MAP2K1: variants seen among roughly 807,000 people sequenced by gnomAD.
The protein encoded by MAP2K1 is mitogen-activated protein kinase kinase 1.
MAP2K1 carries 16 observed loss-of-function variants against 46.3 expected under a neutral mutation model. The ratio of observed to expected loss-of-function variants is 0.35; its 90% CI spans 0.23 to 0.52. The LOEUF is 0.52. MAP2K1 is among the 20% of genes least tolerant of loss of function. The probability of loss-of-function intolerance (pLI) is 0.94; values close to 1 mark genes in which losing one functional copy is unlikely to be tolerated. For missense variants in MAP2K1, 263 were observed against 497.1 expected (o/e 0.53, Z 4.48); for synonymous variants, 183 against 185.6 (o/e 0.99, Z 0.11).
At chr15:66,455,925 G>A (rs546180487) in intron 5 of MAP2K1, among the ~76,000 whole-genome samples, 1 of 152,312 alleles carries the variant, frequency 6.6e-6, no homozygotes, top group African/African-American at 2.4e-5. Flanking sequence ...GGTTTAGCCT[G>A]ATGTATGTGA....
Position 66,490,319 on chromosome 15 carries a change from G to C in MAP2K1, c.1069-183G>C, listed in dbSNP as rs760680048. ...ACTTGCCCAAGGCCTCACAGCTGCT[G>C]TGACTGGTGGAGCAGGTCTTTGGGC... On this transcript the variant is annotated intron_variant, in intron 10 of 10. Transcript: ENST00000307102. The C allele has an allele frequency of 3.0e-5, 21 of 703,352 alleles. No individual in the cohort carries two copies. The Admixed American group carries it at 3.0e-4, about 10-fold the overall frequency. 43.6% of individuals were successfully genotyped at this position (703,352 alleles called of 1,614,324 possible).
Position 66,484,902 on chromosome 15 carries a change from A to C in MAP2K1, c.694-88A>C, listed in dbSNP as rs115311935. On this transcript the variant is annotated intron_variant, in intron 6 of 10. Transcript: ENST00000307102. ...GAGCTCTTGAAACAGGATATGAACT[A>C]TTGAGAAGGGACAGAAGAGAAAATG... The C allele has an allele frequency of 3.9e-4, 432 of 1,100,356 alleles. 3 individuals carry two copies. In the African/African-American group the frequency reaches 6.1e-3, roughly 16 times the overall value. 68.2% of individuals were successfully genotyped at this position (1,100,356 alleles called of 1,614,324 possible).
intron 5 of MAP2K1, among the ~76,000 whole-genome samples, chr15:66,449,293 A>G (rs1280497732): frequency 6.6e-6 from 1 of 152,250 alleles, no homozygotes; most frequent in African/African-American, 2.4e-5. Context: ...CAACTCAGGA[A>G]TAAAACTATT....
At chr15:66,473,605 C>T (rs1892690576) in intron 5 of MAP2K1, among the ~76,000 whole-genome samples, 1 of 152,158 alleles carries the variant, frequency 6.6e-6, no homozygotes, top group African/African-American at 2.4e-5. Flanking sequence ...TATTATACCT[C>T]TCTTCTCTCT....
chr15:66,490,234 T>C, intron 10 of MAP2K1: 1 of 602,098 alleles, frequency 1.7e-6, no homozygotes, highest in South Asian at 1.7e-5. Context: ...CTAACAAGCC[T>C]GTGAGGCATT....
intron 1 of MAP2K1, among the ~76,000 whole-genome samples, chr15:66,408,855 C>T (rs1330302983): frequency 6.6e-6 from 1 of 152,146 alleles, no homozygotes; most frequent in Admixed American, 6.5e-5. Context: ...TCCTCCACCC[C>T]ATCTGGGCAG....
chr15:66,472,522 C>A (rs891606961), intron 5 of MAP2K1, among the ~76,000 whole-genome samples: 1 of 152,160 alleles, frequency 6.6e-6, no homozygotes, highest in South Asian at 2.1e-4. Context: ...ATGAGATCAC[C>A]GTGGCCAGGT....
chr15:66,423,899 G>A (rs2093450280), intron 1 of MAP2K1, among the ~76,000 whole-genome samples: 1 of 151,684 alleles, frequency 6.6e-6, no homozygotes, highest in Admixed American at 6.6e-5. Flanking sequence ...GAGCCACTGT[G>A]CCCCACCCAT....
At chr15:66,420,815 G>A (rs796793345) in intron 1 of MAP2K1, among the ~76,000 whole-genome samples, 86 of 61,870 alleles carry the variant, frequency 1.4e-3, no homozygotes, top group African/African-American at 6.0e-3. Context: ...GTATATATAT[G>A]TGTATATATA....
chr15:66,413,069 T>C (rs763512199), intron 1 of MAP2K1, among the ~76,000 whole-genome samples: 17 of 152,050 alleles, frequency 1.1e-4, no homozygotes, highest in Non-Finnish European at 1.8e-4. Context: ...CTAATTTTTG[T>C]ATTTTTAGTA....
intron 1 of MAP2K1, among the ~76,000 whole-genome samples, chr15:66,402,651 CTGT>C (rs1362101974): frequency 1.2e-4 from 18 of 152,128 alleles, no homozygotes; most frequent in African/African-American, 4.1e-4. Context: ...CATTTTGATG[CTGT>C]TGTTATTGAA....
chr15:66,425,585 T>G lies in MAP2K1; in HGVS notation c.81-9442T>G, dbSNP rs559714796. On this transcript the variant is annotated intron_variant, in intron 1 of 10. Coordinates refer to ENST00000307102, the MANE Select transcript of MAP2K1 (RefSeq NM_002755.4). ...CTTCTGGGCCAGGACAGAGCTGGTC[T>G]TTTTTTTAGTGGGGGATGGCGGGCA... Among the ~76,000 whole-genome samples, 449 of 152,014 alleles carry G rather than the reference T, an allele frequency of 3.0e-3. 1 individual carries two copies. The highest frequency in any genetic ancestry group is 0.01 in the African/African-American group (418 of 41,458).
At chr15:66,447,415 C>T (rs546451434) in intron 5 of MAP2K1, among the ~76,000 whole-genome samples, 38 of 152,076 alleles carry the variant, frequency 2.5e-4, no homozygotes, top group Admixed American at 1.5e-3. Flanking sequence ...ATTAGCTGGG[C>T]GTAGTGGCTC....
intron 8 of MAP2K1, among the ~76,000 whole-genome samples, chr15:66,488,395 T>C: frequency 6.6e-6 from 1 of 152,208 alleles, no homozygotes; most frequent in East Asian, 1.9e-4. Context: ...TGTCTCATTT[T>C]TAGTCCCAAA....
At position 66,435,197 on chromosome 15, in the gene MAP2K1, A is replaced by G. The variant is rs774932586; in HGVS notation, c.251A>G (p.Lys84Arg). ...LGAGNGGVVF[K>R]VSHKPSGLVM... ...GCTGGCAATGGCGGTGTGGTGTTCAAGGTCTCCCACAAGCCTTCTGGCCTG... is the reference window on the plus strand; with the variant it reads ...GCTGGCAATGGCGGTGTGGTGTTCAGGGTCTCCCACAAGCCTTCTGGCCTG... The change falls in exon 2 of 11, where the codon AAG (lysine) becomes AGG (arginine). Residue 84 changes from lysine to arginine, a missense_variant. By Grantham distance (26) the Lys-to-Arg change is conservative. Coordinates refer to ENST00000307102, the MANE Select transcript of MAP2K1 (RefSeq NM_002755.4). 6.2e-6 allele frequency: 10 copies of G among 1,614,016 alleles called. No individual in the cohort carries two copies. Among genetic ancestry groups the G allele is most frequent in the Middle Eastern group, 1.6e-4 (1 of 6,084 alleles).
chr15:66,388,928 C>G, intron 1 of MAP2K1, among the ~76,000 whole-genome samples: 2 of 87,618 alleles, frequency 2.3e-5, no homozygotes, highest in East Asian at 5.9e-4. Context: ...TTTTTTGAGT[C>G]GGAGTTTCAC....
intron 6 of MAP2K1, among the ~76,000 whole-genome samples, chr15:66,483,555 T>C (rs575144471): frequency 9.7e-4 from 148 of 152,336 alleles, no homozygotes; most frequent in Middle Eastern, 3.4e-3. Context: ...GAGAAGTTAA[T>C]GTCTACGTGA....
chr15:66,446,653 C>G (rs182182362), intron 5 of MAP2K1: 501 of 391,882 alleles, frequency 1.3e-3, no homozygotes, highest in African/African-American at 9.8e-3. Flanking sequence ...ACATCTCTTG[C>G]CCAAATAGAA....
chr15:66,422,778 T>C (rs774578028), intron 1 of MAP2K1, among the ~76,000 whole-genome samples: 3 of 152,196 alleles, frequency 2.0e-5, no homozygotes, highest in Admixed American at 6.5e-5. Context: ...TTGTTAATTT[T>C]GGGAAATTCT....
Sources: gnomAD v4.1 joint callset for allele counts (sites outside exome capture counted in the v4.1 genomes callset) on GRCh38, gnomAD v4.1.1 for gene constraint, MANE v1.5 for transcripts, NCBI Gene and HGNC (gene_info 2026-07-23, HGNC 2026-07-21) for gene names.